CUX2: variants seen among roughly 807,000 people sequenced by gnomAD.
CUX2 encodes the protein cut like homeobox 2.
CUX2 carries 40 observed loss-of-function variants against 144.8 expected under a neutral mutation model. That is an observed-to-expected ratio of 0.28 (90% CI 0.21 to 0.36). The LOEUF (loss-of-function observed/expected upper bound fraction) is 0.36. CUX2 is among the 10% of genes least tolerant of loss of function. The pLI is 1.00. For synonymous variants in CUX2, 827 were observed against 875.6 expected (o/e 0.94, Z 0.98); for missense variants, 1,615 against 1,994.0 (o/e 0.81, Z 3.62).
At chr12:111,326,675 G>A (rs551679049) in intron 18 of CUX2, among the ~76,000 whole-genome samples, 4 of 152,002 alleles carry the variant, frequency 2.6e-5, no homozygotes, top group South Asian at 2.1e-4. Flanking sequence ...AGGCCGAGGC[G>A]GGCCGATCAC....
chr12:111,121,634 T>G (rs1874702009), intron 1 of CUX2, among the ~76,000 whole-genome samples: 1 of 152,058 alleles, frequency 6.6e-6, no homozygotes, highest in Non-Finnish European at 1.5e-5. Flanking sequence ...AGTGCTGGGA[T>G]TACAGGTGTG....
chr12:111,269,165 C>T (rs1267556325), intron 4 of CUX2, among the ~76,000 whole-genome samples: 1 of 152,204 alleles, frequency 6.6e-6, no homozygotes, highest in African/African-American at 2.4e-5. Flanking sequence ...TAAGTGTTAA[C>T]TATTCTCCTT....
In CUX2 at chr12:111,160,680, G is replaced by A. The variant is rs998508041; in HGVS notation, c.64-53520G>A. Among the ~76,000 whole-genome samples, 1 of 152,182 alleles carries A rather than the reference G, an allele frequency of 6.6e-6. No homozygotes were observed. The highest frequency in any genetic ancestry group is 2.4e-5 in the African/African-American group (1 of 41,436). ...ATGCAGAGGAGTGACGCAGTCCAGT[G>A]GCATTTTCAGGGGATTCCTCTGGAA... On this transcript the variant is annotated intron_variant, in intron 1 of 21. Coordinates refer to ENST00000261726, the MANE Select transcript of CUX2 (RefSeq NM_015267.4). The surrounding 1 kb of genome is among the most constrained non-coding windows in gnomAD (Gnocchi z 4.1).
intron 1 of CUX2, among the ~76,000 whole-genome samples, chr12:111,199,015 C>T (rs762094552): frequency 3.3e-5 from 5 of 152,078 alleles, no homozygotes; most frequent in Non-Finnish European, 5.9e-5. Context: ...ACGTTTTGAG[C>T]GACTCACTCC....
intron 1 of CUX2, among the ~76,000 whole-genome samples, chr12:111,120,177 C>G (rs1007708599): frequency 6.6e-6 from 1 of 152,150 alleles, no homozygotes; most frequent in Non-Finnish European, 1.5e-5. Flanking sequence ...TTGTGTTTCT[C>G]TAAATTCTAT....
Position 111,347,861 on chromosome 12 carries a change from C to T in CUX2, c.3997C>T (p.Pro1333Ser), listed in dbSNP as rs201289447. The T allele has an allele frequency of 1.8e-4, 291 of 1,614,130 alleles. No homozygotes were observed. Among genetic ancestry groups the T allele is most frequent in the Non-Finnish European group, 2.2e-4 (263 of 1,180,024 alleles). The change falls in exon 22 of 22, where the codon CCC becomes TCC. Residue 1333 changes from proline to serine, a missense_variant. Physicochemically the swap from Pro to Ser is moderately conservative, Grantham distance 74 (BLOSUM62 -1). Around this residue, in one of 12 missense-constraint regions of CUX2, gnomAD observed 298 missense variants for 330.4 expected, o/e 0.90. Coordinates refer to ENST00000261726, the MANE Select transcript of CUX2 (RefSeq NM_015267.4). ...KGQGPPKEEHPDPPGNDGLPK... is the reference protein window; with the variant it reads ...KGQGPPKEEHSDPPGNDGLPK... Reference sequence around the variant, plus strand: ...CCAAGGTCCCCCCAAAGAGGAGCATCCCGACCCTCCGGGTAATGATGGACT... The same window carrying T: ...CCAAGGTCCCCCCAAAGAGGAGCATTCCGACCCTCCGGGTAATGATGGACT...
chr12:111,223,127 A>G (rs1881941312), intron 3 of CUX2, among the ~76,000 whole-genome samples: 1 of 152,110 alleles, frequency 6.6e-6, no homozygotes, highest in South Asian at 2.1e-4. Flanking sequence ...ATCCTTGTGG[A>G]GAACCTTCTA....
chr12:111,193,187 A>T (rs1156920799), intron 1 of CUX2, among the ~76,000 whole-genome samples: 1 of 152,208 alleles, frequency 6.6e-6, no homozygotes, highest in Non-Finnish European at 1.5e-5. Flanking sequence ...GCGACACAGG[A>T]GTCCAGGAGA....
rs1201381484 is a variant in CUX2, at chr12:111,350,172, A to G, written c.*1847A>G. 6 of 152,538 alleles carry G rather than the reference A, an allele frequency of 3.9e-5. No individual in the cohort carries two copies. Among genetic ancestry groups the G allele is most frequent in the Non-Finnish European group, 8.8e-5 (6 of 68,048 alleles). 9.4% of individuals were successfully genotyped at this position (152,538 alleles called of 1,614,324 possible). A position where few individuals can be genotyped will look rare whatever the true frequency, so the allele number is the denominator to read the frequency against. ...TTTTCAGAGTAATCAAATCTGGAACAAATGAAACATCTTTTAGCCACCACC... is the reference window on the plus strand; with the variant it reads ...TTTTCAGAGTAATCAAATCTGGAACGAATGAAACATCTTTTAGCCACCACC... On this transcript the variant is annotated 3_prime_UTR_variant, in exon 22 of 22. Transcript: ENST00000261726.
Position 111,151,272 on chromosome 12 carries a change from C to T in CUX2, c.64-62928C>T, listed in dbSNP as rs7311582. ...AATTTTTAAAAAAATTCATTCGTTA[C>T]CATGCGCTGTTATGAATCAGTAGAT... On this transcript the variant is annotated intron_variant, in intron 1 of 21. Coordinates refer to ENST00000261726, the MANE Select transcript of CUX2 (RefSeq NM_015267.4). 1.5e-3 allele frequency among the ~76,000 whole-genome samples: 221 copies of T among 152,218 alleles called. 1 individual carries two copies. Among genetic ancestry groups the T allele is most frequent in the African/African-American group, 5.1e-3 (213 of 41,502 alleles).
rs1466979322 is a variant in CUX2, at chr12:111,347,743, G to A, written c.3879G>A (p.Lys1293=). The A allele has an allele frequency of 1.2e-6, 2 of 1,613,844 alleles. No homozygotes were observed. The highest frequency in any genetic ancestry group is 2.7e-5 in the African/African-American group (2 of 74,922). Residue 1293 remains lysine (K), a synonymous_variant, in exon 22 of 22, where the codon AAG becomes AAA. Coordinates refer to ENST00000261726, the MANE Select transcript of CUX2 (RefSeq NM_015267.4). ...GCACACCCCTGACCACCCAGGACAAGGCCCAAGTGAGGATCAAGCAGGAAC... is the reference window on the plus strand; with the variant it reads ...GCACACCCCTGACCACCCAGGACAAAGCCCAAGTGAGGATCAAGCAGGAAC... ...ENSTPLTTQD[K]AQVRIKQEQM...
intron 1 of CUX2, among the ~76,000 whole-genome samples, chr12:111,211,739 G>A (rs1881239793): frequency 6.6e-6 from 1 of 152,044 alleles, no homozygotes; most frequent in South Asian, 2.1e-4. Context: ...CAAAAACTTA[G>A]CCAGGCTTGG....
At chr12:111,191,584 C>A (rs984829560) in intron 1 of CUX2, among the ~76,000 whole-genome samples, 1 of 152,190 alleles carries the variant, frequency 6.6e-6, no homozygotes, top group African/African-American at 2.4e-5. Context: ...CCTTGGCCCC[C>A]CAAAGTGTCG....
At chr12:111,040,534 C>T (rs186616755) in intron 1 of CUX2, among the ~76,000 whole-genome samples, 1 of 152,184 alleles carries the variant, frequency 6.6e-6, no homozygotes, top group East Asian at 1.9e-4. Context: ...GTGGTTGGCT[C>T]CTTCATCTCT....
Position 111,227,518 on chromosome 12 carries a change from C to T in CUX2, c.222+9581C>T, listed in dbSNP as rs75426948. ...GTGTTGCTACCAGCTGAGCTCTGGACACTCTCTCTGTTCTCTCCAAAACCT... is the reference window on the plus strand; with the variant it reads ...GTGTTGCTACCAGCTGAGCTCTGGATACTCTCTCTGTTCTCTCCAAAACCT... On this transcript the variant is annotated intron_variant, in intron 3 of 21. Transcript: ENST00000261726. 4.6e-3 allele frequency among the ~76,000 whole-genome samples: 705 copies of T among 152,274 alleles called. 4 individuals carry two copies. Among genetic ancestry groups the T allele is most frequent in the African/African-American group, 0.016 (682 of 41,542 alleles).
At chr12:111,301,284 C>T (rs1886279452) in intron 9 of CUX2, among the ~76,000 whole-genome samples, 1 of 152,190 alleles carries the variant, frequency 6.6e-6, no homozygotes, top group Non-Finnish European at 1.5e-5. Flanking sequence ...CCAATTCTTA[C>T]TCCTGGGGTG....
At chr12:111,085,847 C>G (rs1232141229) in intron 1 of CUX2, among the ~76,000 whole-genome samples, 3 of 152,240 alleles carry the variant, frequency 2.0e-5, no homozygotes, top group Admixed American at 6.5e-5. Context: ...CCTGCCATCT[C>G]CCCACCTTCC....
At chr12:111,065,122 G>A (rs1401084968) in intron 1 of CUX2, among the ~76,000 whole-genome samples, 1 of 152,210 alleles carries the variant, frequency 6.6e-6, no homozygotes, top group Non-Finnish European at 1.5e-5. Flanking sequence ...TTGTATCTCT[G>A]TGAATTCTAT....
intron 1 of CUX2, among the ~76,000 whole-genome samples, chr12:111,074,138 C>T (rs189690907): frequency 2.0e-5 from 3 of 152,018 alleles, no homozygotes; most frequent in East Asian, 1.9e-4. Context: ...ATCCAGCAAT[C>T]GGCTTAATTC....
Sources: gnomAD v4.1 joint callset for allele counts (sites outside exome capture counted in the v4.1 genomes callset) on GRCh38, gnomAD v4.1.1 for gene constraint, gnomAD v4.1.1 regional missense constraint, Gnocchi (gnomAD v3.1) non-coding constraint, MANE v1.5 for transcripts, NCBI Gene and HGNC (gene_info 2026-07-23, HGNC 2026-07-21) for gene names.